DOCK9: variants seen among roughly 807,000 people sequenced by gnomAD.
DOCK9 encodes dedicator of cytokinesis 9, also known as dedicator of cytokinesis protein 9.
Under a neutral mutation model 263.3 loss-of-function variants are expected in DOCK9, and 89 were observed. The ratio of observed to expected loss-of-function variants is 0.34; its 90% CI spans 0.28 to 0.40. The LOEUF (loss-of-function observed/expected upper bound fraction) is 0.40, where lower values mean the gene tolerates loss of function less well. Ranked by LOEUF, DOCK9 falls within the 10% of genes least tolerant of loss-of-function variation. DOCK9 has a pLI of 1.00. For missense variants in DOCK9, 2,140 were observed against 2,603.4 expected, an observed-to-expected ratio of 0.82 and a Z score of 3.87; for synonymous variants, 976 against 973.1, an observed-to-expected ratio of 1.00 and a Z score of -0.06.
chr13:98,805,865 A>G (rs532410752), intron 48 of DOCK9, among the ~76,000 whole-genome samples: 52 of 152,172 alleles, frequency 3.4e-4, no homozygotes, highest in African/African-American at 1.2e-3. Context: ...CGTTCAAGTG[A>G]TTCTCCTGCC....
At chr13:98,956,765 A>G (rs562666335) in intron 1 of DOCK9, among the ~76,000 whole-genome samples, 1 of 152,324 alleles carries the variant, frequency 6.6e-6, no homozygotes, top group East Asian at 1.9e-4. Context: ...AAAATTAAAA[A>G]AAAAGTAAGT....
At position 98,848,645 on chromosome 13, in the gene DOCK9, G is replaced by A. The variant is rs761739083; in HGVS notation, c.4014-6C>T. On this transcript the variant is annotated splice_polypyrimidine_tract_variant and splice_region_variant and intron_variant, in intron 36 of 52. Transcript: ENST00000682017. ...GGAACTGGTGCAGGCAGACTCTGCA[G>A]GCAAGATGAAAAATTATTAGGGAAA... 1.2e-6 allele frequency: 2 copies of A among 1,611,168 alleles called. No homozygotes were observed. Among genetic ancestry groups the A allele is most frequent in the South Asian group, 1.1e-5 (1 of 89,994 alleles).
intron 1 of DOCK9, among the ~76,000 whole-genome samples, chr13:99,085,884 G>T (rs1293869125): frequency 6.6e-6 from 1 of 151,992 alleles, no homozygotes; most frequent in East Asian, 1.9e-4. Flanking sequence ...GGGGGAGAGT[G>T]TAATTTCCCA....
At chr13:98,917,384 C>A (rs1158221771) in intron 7 of DOCK9, among the ~76,000 whole-genome samples, 2 of 152,224 alleles carry the variant, frequency 1.3e-5, no homozygotes, top group Non-Finnish European at 2.9e-5. Context: ...AAAACTCCTA[C>A]TTGGGAATCC....
chr13:98,973,732 G>A (rs1293924351), intron 1 of DOCK9, among the ~76,000 whole-genome samples: 1 of 152,016 alleles, frequency 6.6e-6, no homozygotes, highest in Non-Finnish European at 1.5e-5. Context: ...CGAGAAGCTG[G>A]GACTATAGGT....
intron 1 of DOCK9, among the ~76,000 whole-genome samples, chr13:99,060,567 C>A (rs777867749): frequency 8.5e-5 from 13 of 152,212 alleles, no homozygotes; most frequent in Non-Finnish European, 1.8e-4. Flanking sequence ...CAAGTGCCTG[C>A]ACCATTTAAC....
At chr13:99,026,296 G>A (rs1886715491) in intron 1 of DOCK9, among the ~76,000 whole-genome samples, 2 of 152,240 alleles carry the variant, frequency 1.3e-5, no homozygotes, top group South Asian at 4.1e-4. Context: ...CCTGATAAAG[G>A]TGTTTCTTTA....
chr13:98,968,347 G>A (rs1412875502), intron 1 of DOCK9, among the ~76,000 whole-genome samples: 1 of 151,984 alleles, frequency 6.6e-6, no homozygotes. Flanking sequence ...TTGACCAGGC[G>A]TGGTGGCTCA....
At chr13:98,844,459 G>T (rs374049425) in intron 38 of DOCK9, among the ~76,000 whole-genome samples, 8 of 152,162 alleles carry the variant, frequency 5.3e-5, no homozygotes, top group Admixed American at 2.0e-4. Context: ...AGCCCCCCAG[G>T]TTCAAGTGAT....
At chr13:99,072,506 A>C (rs1373924563) in intron 1 of DOCK9, among the ~76,000 whole-genome samples, 1 of 152,210 alleles carries the variant, frequency 6.6e-6, no homozygotes, top group Non-Finnish European at 1.5e-5. Flanking sequence ...AAACTGAGGG[A>C]AACTAAAGAT....
intron 2 of DOCK9, among the ~76,000 whole-genome samples, chr13:98,934,767 T>C (rs1333266069): frequency 6.6e-6 from 1 of 152,232 alleles, no homozygotes; most frequent in Non-Finnish European, 1.5e-5. Context: ...TAAATGCCTG[T>C]TGGATCTTGA....
chr13:98,975,150 G>A (rs1205632357), intron 1 of DOCK9, among the ~76,000 whole-genome samples: 8 of 152,050 alleles, frequency 5.3e-5, no homozygotes, highest in Non-Finnish European at 7.4e-5. Context: ...AAGCCGAGGC[G>A]GGCGGATCTC....
chr13:98,846,129 T>C (rs2093383637), intron 37 of DOCK9, 69 bp from the exon 38 acceptor site: 3 of 1,522,908 alleles, frequency 2.0e-6, no homozygotes, highest in African/African-American at 2.8e-5. Context: ...ACGGGGAGTG[T>C]TAGTGAAGCC....
chr13:99,025,194 C>T (rs963790298), intron 1 of DOCK9: 4 of 152,176 alleles, frequency 2.6e-5, no homozygotes, highest in African/African-American at 9.7e-5. Context: ...GGACAGATTA[C>T]AATTATTGCT....
At chr13:99,040,840 A>G (rs1363237210) in intron 1 of DOCK9, among the ~76,000 whole-genome samples, 1 of 152,226 alleles carries the variant, frequency 6.6e-6, no homozygotes, top group Non-Finnish European at 1.5e-5. Context: ...TAATGAGACT[A>G]TTCCCTAAGT....
At chr13:98,848,732 C>A in intron 36 of DOCK9, 93 bp from the exon 37 acceptor site, 2 of 1,289,926 alleles carry the variant, frequency 1.6e-6, no homozygotes, top group South Asian at 1.3e-5. Context: ...ATTCAATAAA[C>A]ATTATGTCTA....
At chr13:98,805,619 A>T (rs2090613292) in intron 48 of DOCK9, among the ~76,000 whole-genome samples, 1 of 152,162 alleles carries the variant, frequency 6.6e-6, no homozygotes, top group African/African-American at 2.4e-5. Context: ...CATTTTCTCA[A>T]ATGTCTCCAG....
intron 1 of DOCK9, among the ~76,000 whole-genome samples, chr13:98,966,074 CA>C (rs1032436832): frequency 3.9e-5 from 6 of 152,324 alleles, no homozygotes; most frequent in Admixed American, 2.6e-4. Context: ...GGAAAACCTA[CA>C]CAACTCCTCG....
intron 1 of DOCK9, among the ~76,000 whole-genome samples, chr13:99,021,135 G>C (rs1045793309): frequency 6.6e-6 from 1 of 152,124 alleles, no homozygotes; most frequent in Non-Finnish European, 1.5e-5. Flanking sequence ...TAGAGTATCT[G>C]GCACAGAGCC....
Sources: allele counts gnomAD v4.1 joint callset (sites outside exome capture counted in the v4.1 genomes callset), GRCh38; gene constraint gnomAD v4.1.1; transcripts MANE v1.5; gene names NCBI Gene and HGNC (gene_info 2026-07-23, HGNC 2026-07-21).